Variants in GALNTL5 observed in about 807,000 individuals in gnomAD.
GALNTL5 encodes inactive polypeptide N-acetylgalactosaminyltransferase-like protein 5.
GALNTL5 carries 44 observed loss-of-function variants against 51.0 expected under a neutral mutation model. The observed-to-expected ratio is 0.86, with a 90% CI of 0.68 to 1.11. The LOEUF is 1.11. GALNTL5 is among the 50% of genes least tolerant of loss of function. The pLI, the probability that GALNTL5 is intolerant of heterozygous loss-of-function variation, is 0.00. For missense variants in GALNTL5, 528 were observed against 531.8 expected, an observed-to-expected ratio of 0.99 and a Z score of 0.07; for synonymous variants, 192 against 182.8, an observed-to-expected ratio of 1.05 and a Z score of -0.41.
chr7:152,018,580 A>C (rs1411053879), intron 8 of GALNTL5, among the ~76,000 whole-genome samples: 2 of 152,188 alleles, frequency 1.3e-5, no homozygotes, highest in Non-Finnish European at 2.9e-5. Context: ...TGACGTGTTA[A>C]GTATAAAAAT....
chr7:151,961,300 G>A (rs988804037), intron 1 of GALNTL5, among the ~76,000 whole-genome samples: 1 of 151,638 alleles, frequency 6.6e-6, no homozygotes, highest in East Asian at 1.9e-4. Context: ...TCAGGAGTTC[G>A]AAACCAGCCT....
rs1364196119 is a variant in GALNTL5, at chr7:152,014,791, A to G, written c.1174A>G (p.Lys392Glu). 3.7e-6 allele frequency: 6 copies of G among 1,607,930 alleles called. No individual in the cohort carries two copies. The South Asian group carries it at 5.6e-5, about 15-fold the overall frequency. ...GGTGCACGTTTGGCTGGATGAATAT[A>G]AGGTGGGGAACACATCCTTGACTTG... ...RLVHVWLDEY[K>E]EQFFLRKPGL... The change falls in exon 8 of 9, where the codon AAG becomes GAG. Residue 392 changes from lysine to glutamate, a missense_variant and splice_region_variant. Physicochemically the swap from Lys to Glu is moderately conservative, Grantham distance 56. Coordinates refer to ENST00000392800, the MANE Select transcript of GALNTL5 (RefSeq NM_145292.4).
intron 6 of GALNTL5, among the ~76,000 whole-genome samples, chr7:152,005,147 T>A (rs1311570028): frequency 6.6e-6 from 1 of 152,194 alleles, no homozygotes; most frequent in Non-Finnish European, 1.5e-5. Flanking sequence ...TAATTAGCAT[T>A]CATATCTGAA....
At chr7:152,000,696 C>T (rs866748645) in intron 5 of GALNTL5, among the ~76,000 whole-genome samples, 2 of 152,170 alleles carry the variant, frequency 1.3e-5, no homozygotes, top group Non-Finnish European at 2.9e-5. Context: ...TTTTCACATG[C>T]TCATCAGCCA....
chr7:152,019,196 C>T (rs1286509208), intron 8 of GALNTL5, among the ~76,000 whole-genome samples: 1 of 152,200 alleles, frequency 6.6e-6, no homozygotes, highest in East Asian at 1.9e-4. Flanking sequence ...TCACACAGAC[C>T]CTGAATGGCA....
chr7:151,974,869 G>C (rs2081188524), intron 3 of GALNTL5, among the ~76,000 whole-genome samples: 1 of 152,108 alleles, frequency 6.6e-6, no homozygotes, highest in African/African-American at 2.4e-5. Flanking sequence ...AAAGAAAAGT[G>C]GACTTGGCAG....
chr7:151,977,431 T>C (rs2081220711), intron 3 of GALNTL5, among the ~76,000 whole-genome samples: 2 of 152,178 alleles, frequency 1.3e-5, no homozygotes. Flanking sequence ...GATTCTGAGC[T>C]CATAGGTTCA....
At chr7:151,981,547 TTCCTTCCTTCCTTC>T (rs1373462155) in intron 3 of GALNTL5, among the ~76,000 whole-genome samples, 1 of 99,996 alleles carries the variant, frequency 1.0e-5, no homozygotes, top group African/African-American at 4.1e-5. Context: ...CTCTCTTCCC[TTCCTTCCTTCCTTC>T]CTTCCTTCCT....
At chr7:151,968,127 C>T (rs2081083505) in intron 2 of GALNTL5, among the ~76,000 whole-genome samples, 1 of 151,916 alleles carries the variant, frequency 6.6e-6, no homozygotes, top group Admixed American at 6.6e-5. Context: ...AAGACACCAC[C>T]TCAACAAAAA....
At position 151,999,701 on chromosome 7, in the gene GALNTL5, TTTAAAATGCTAATAATGTTACGTAATA is replaced by T. The variant is rs2081547035; in HGVS notation, c.659-3009_659-2983del. ...CACCTATCAAATGAGCAGACATGATTTTAAAATGCTAATAATGTTACGTAATATTATAGAAGCTATTTTAGGTGAAAA... is the reference window on the plus strand; with the variant it reads ...CACCTATCAAATGAGCAGACATGATTTTATAGAAGCTATTTTAGGTGAAAA... On this transcript the variant is annotated intron_variant, in intron 5 of 8. Coordinates refer to ENST00000392800, the MANE Select transcript of GALNTL5 (RefSeq NM_145292.4). 3.3e-5 allele frequency among the ~76,000 whole-genome samples: 5 copies of T among 152,334 alleles called. No homozygotes were observed. The South Asian group carries it at 8.3e-4, about 25-fold the overall frequency.
chr7:151,988,636 C>T (rs994499772), intron 5 of GALNTL5, among the ~76,000 whole-genome samples: 2 of 151,940 alleles, frequency 1.3e-5, no homozygotes, highest in Non-Finnish European at 2.9e-5. Context: ...TTTTCAGACC[C>T]GCGTTTTTAT....
intron 3 of GALNTL5, among the ~76,000 whole-genome samples, chr7:151,980,865 C>T (rs1337979464): frequency 2.1e-5 from 3 of 146,188 alleles, no homozygotes; most frequent in Non-Finnish European, 4.5e-5. Flanking sequence ...CCTGCCTCAG[C>T]CTCCCAAGTA....
At chr7:151,961,998 T>C (rs2080996923) in intron 1 of GALNTL5, among the ~76,000 whole-genome samples, 1 of 127,222 alleles carries the variant, frequency 7.9e-6, no homozygotes, top group Non-Finnish European at 1.6e-5. Flanking sequence ...TTATGATAGT[T>C]ACCTTCTTTT....
At chr7:151,981,266 G>A (rs1465210411) in intron 3 of GALNTL5, among the ~76,000 whole-genome samples, 1 of 152,210 alleles carries the variant, frequency 6.6e-6, no homozygotes, top group African/African-American at 2.4e-5. Flanking sequence ...TGCAGAGGAA[G>A]AATCATAATC....
intron 7 of GALNTL5, among the ~76,000 whole-genome samples, chr7:152,011,009 C>A (rs2081730766): frequency 1.3e-5 from 2 of 152,134 alleles, no homozygotes; most frequent in South Asian, 2.1e-4. Flanking sequence ...TCCTAACAAA[C>A]CTGTAAGGTA....
Position 151,982,966 on chromosome 7 carries a change from C to T in GALNTL5, c.369-20C>T. 1 of 1,613,990 alleles carries T rather than the reference C, an allele frequency of 6.2e-7. No homozygotes were observed. On this transcript the variant is annotated intron_variant, in intron 3 of 8. Coordinates refer to ENST00000392800, the MANE Select transcript of GALNTL5 (RefSeq NM_145292.4). ...AGGCATTTAGATGGATGGTTTTCTT[C>T]ATATTGCTTCTGCCTGCAGGTGTCT... is the stretch of plus-strand genomic sequence containing the variant.
At chr7:151,978,902 C>G (rs1490935102) in intron 3 of GALNTL5, among the ~76,000 whole-genome samples, 1 of 152,084 alleles carries the variant, frequency 6.6e-6, no homozygotes, top group African/African-American at 2.4e-5. Flanking sequence ...TCTACAACAG[C>G]TCTTTTTCCA....
At chr7:151,980,240 C>T (rs766897034) in intron 3 of GALNTL5, among the ~76,000 whole-genome samples, 10 of 152,258 alleles carry the variant, frequency 6.6e-5, no homozygotes, top group South Asian at 4.1e-4. Context: ...TGCACCACCA[C>T]GCCCAGCTAA....
intron 3 of GALNTL5, among the ~76,000 whole-genome samples, chr7:151,972,826 G>A (rs531616304): frequency 4.2e-4 from 64 of 152,310 alleles, no homozygotes; most frequent in Non-Finnish European, 5.7e-4. Flanking sequence ...AGCCTGCTGC[G>A]GGGGCAGAGC....
Sources: gnomAD v4.1 joint callset for allele counts (sites outside exome capture counted in the v4.1 genomes callset) on GRCh38, gnomAD v4.1.1 for gene constraint, MANE v1.5 for transcripts, NCBI Gene and HGNC (gene_info 2026-07-23, HGNC 2026-07-21) for gene names.